Variants in CALCRL observed in about 807,000 individuals in gnomAD.
The protein encoded by CALCRL is calcitonin receptor like receptor.
A neutral mutation model predicts 60.4 loss-of-function variants in CALCRL; 27 were observed. The ratio of observed to expected loss-of-function variants is 0.45; its 90% CI spans 0.33 to 0.62. The LOEUF (loss-of-function observed/expected upper bound fraction) is 0.62, where lower values mean the gene tolerates loss of function less well. Ranked by LOEUF, CALCRL falls within the 20% of genes least tolerant of loss-of-function variation. The pLI, the probability that CALCRL is intolerant of heterozygous loss-of-function variation, is 0.03. For synonymous variants in CALCRL, 190 were observed against 182.6 expected, an observed-to-expected ratio of 1.04 and a Z score of -0.33; for missense variants, 424 against 540.7, an observed-to-expected ratio of 0.78 and a Z score of 2.14.
chr2:187,374,056 A>G (rs1009514860), intron 8 of CALCRL, among the ~76,000 whole-genome samples: 1 of 152,004 alleles, frequency 6.6e-6, no homozygotes, highest in Non-Finnish European at 1.5e-5. Context: ...AGTCCTTGCT[A>G]CTTGGGAGGC....
At position 187,343,662 on chromosome 2, in the gene CALCRL, A is replaced by C. The variant is rs891181562; in HGVS notation, c.*2522T>G. 4.0e-5 allele frequency: 6 copies of C among 151,204 alleles called. No individual in the cohort carries two copies. Among genetic ancestry groups the C allele is most frequent in the African/African-American group, 1.5e-4 (6 of 41,284 alleles). The allele number at this position is 151,204 out of a possible 1,614,324, so 9.4% of individuals were successfully genotyped here. On this transcript the variant is annotated 3_prime_UTR_variant, in exon 15 of 15. Transcript: ENST00000392370. Reference sequence around the variant, plus strand: ...TGACTTTCACAAGTAATCACAGTAAAATGCAGATCTACATTTTAAAAGCTA... The same window carrying C: ...TGACTTTCACAAGTAATCACAGTAACATGCAGATCTACATTTTAAAAGCTA...
intron 8 of CALCRL, among the ~76,000 whole-genome samples, chr2:187,374,739 A>G (rs1687673127): frequency 6.6e-6 from 1 of 152,150 alleles, no homozygotes; most frequent in Non-Finnish European, 1.5e-5. Context: ...TATGATTGAT[A>G]TAGTCTAATG....
At chr2:187,350,812 A>G (rs912071903) in intron 14 of CALCRL, among the ~76,000 whole-genome samples, 1 of 151,686 alleles carries the variant, frequency 6.6e-6, no homozygotes, top group Non-Finnish European at 1.5e-5. Flanking sequence ...CTGAAGCTTT[A>G]TGATAAGCTT....
intron 12 of CALCRL, among the ~76,000 whole-genome samples, chr2:187,356,606 C>T (rs1216325532): frequency 6.6e-6 from 1 of 152,102 alleles, no homozygotes; most frequent in African/African-American, 2.4e-5. Flanking sequence ...GCAAAGACTT[C>T]ATGACTAAAA....
At chr2:187,400,044 A>C (rs1688821473) in intron 1 of CALCRL, among the ~76,000 whole-genome samples, 1 of 151,434 alleles carries the variant, frequency 6.6e-6, no homozygotes, top group African/African-American at 2.4e-5. Context: ...TATGGAGTAA[A>C]TACAGTTAAA....
At position 187,351,950 on chromosome 2, in the gene CALCRL, G is replaced by A. The variant is rs1340632136; in HGVS notation, c.1140C>T (p.Val380=). Reference sequence around the variant, plus strand: ...CATTAAAGAAGCAGAAAATGGTAGAGACCAAAAGACCCTGTAAAAGAAAAA... The same window carrying A: ...CATTAAAGAAGCAGAAAATGGTAGAAACCAAAAGACCCTGTAAAAGAAAAA... ...HILMHFQGLL[V]STIFCFFNGE... Residue 380 remains valine (V), a synonymous_variant, in exon 14 of 15, where the codon GTC becomes GTT. Transcript: ENST00000392370. 2 of 1,594,470 alleles carry A rather than the reference G, an allele frequency of 1.3e-6. No individual in the cohort carries two copies. The highest frequency in any genetic ancestry group is 8.6e-7 in the Non-Finnish European group (1 of 1,164,636).
chr2:187,423,714 T>G (rs1359501444), intron 1 of CALCRL, among the ~76,000 whole-genome samples: 18 of 151,982 alleles, frequency 1.2e-4, no homozygotes, highest in Admixed American at 1.2e-3. Flanking sequence ...TCCAAAGGCT[T>G]GGGAAAAAAC....
At chr2:187,394,360 A>C (rs1478779108) in intron 1 of CALCRL, among the ~76,000 whole-genome samples, 1 of 152,110 alleles carries the variant, frequency 6.6e-6, no homozygotes, top group Non-Finnish European at 1.5e-5. Flanking sequence ...TAACACTTGA[A>C]ACAAAGAAAC....
intron 1 of CALCRL, among the ~76,000 whole-genome samples, chr2:187,391,255 A>G (rs1688433336): frequency 6.6e-6 from 1 of 152,206 alleles, no homozygotes; most frequent in African/African-American, 2.4e-5. Context: ...CTTTTTCTAA[A>G]TATATCTTCA....
At chr2:187,394,959 C>G (rs559127704) in intron 1 of CALCRL, among the ~76,000 whole-genome samples, 56 of 152,092 alleles carry the variant, frequency 3.7e-4, no homozygotes, top group African/African-American at 1.3e-3. Context: ...TATCATAGCT[C>G]ACCTTGTCGG....
chr2:187,358,724 C>T (rs1686912773), intron 12 of CALCRL, among the ~76,000 whole-genome samples: 1 of 152,072 alleles, frequency 6.6e-6, no homozygotes, highest in Non-Finnish European at 1.5e-5. Flanking sequence ...GTGGTTTTGG[C>T]AGTGGTTGTT....
intron 1 of CALCRL, among the ~76,000 whole-genome samples, chr2:187,441,063 A>T (rs1399561110): frequency 1.3e-5 from 2 of 152,032 alleles, no homozygotes; most frequent in African/African-American, 4.8e-5. Context: ...TAACCTTGGT[A>T]TTTGCAATGG....
chr2:187,355,311 C>G (rs1433940973), intron 12 of CALCRL, among the ~76,000 whole-genome samples: 3 of 152,054 alleles, frequency 2.0e-5, no homozygotes, highest in African/African-American at 7.2e-5. Context: ...GCCAGGCAGT[C>G]TCAGGGTACA....
At chr2:187,346,693 T>A (rs977133774) in intron 14 of CALCRL, among the ~76,000 whole-genome samples, 3 of 151,856 alleles carry the variant, frequency 2.0e-5, no homozygotes, top group Non-Finnish European at 2.9e-5. Context: ...GCCAAACAAA[T>A]AGGTAATCTG....
Position 187,343,531 on chromosome 2 carries a change from C to A in CALCRL, c.*2653G>T, listed in dbSNP as rs1370106662. 6.6e-6 allele frequency: 1 copy of A among 151,880 alleles called. No individual in the cohort carries two copies. Among genetic ancestry groups the A allele is most frequent in the East Asian group, 1.9e-4 (1 of 5,190 alleles). 9.4% of individuals were successfully genotyped at this position (151,880 alleles called of 1,614,324 possible). A position where few individuals can be genotyped will look rare whatever the true frequency, so the allele number is the denominator to read the frequency against. ...CACTAATTCTATATACATTGGATTA[C>A]ATTTAAACAAACACTGCATTCCAGA... On this transcript the variant is annotated 3_prime_UTR_variant, in exon 15 of 15. Coordinates refer to ENST00000392370, the MANE Select transcript of CALCRL (RefSeq NM_005795.6).
intron 12 of CALCRL, among the ~76,000 whole-genome samples, chr2:187,358,502 T>A (rs1234077407): frequency 1.3e-5 from 2 of 151,752 alleles, no homozygotes; most frequent in Non-Finnish European, 2.9e-5. Context: ...ATTTTGTTTT[T>A]TCTTATTTGT....
At chr2:187,388,468 C>T (rs147165090) in intron 1 of CALCRL, among the ~76,000 whole-genome samples, 2 of 152,070 alleles carry the variant, frequency 1.3e-5, no homozygotes, top group Non-Finnish European at 2.9e-5. Context: ...CTCTTACATG[C>T]ACATTTCACC....
intron 1 of CALCRL, among the ~76,000 whole-genome samples, chr2:187,435,779 T>C (rs1690611653): frequency 1.3e-5 from 2 of 152,238 alleles, no homozygotes; most frequent in East Asian, 1.9e-4. Flanking sequence ...AAATTATATA[T>C]GATTTCAAGT....
chr2:187,433,925 G>T (rs1336639800), intron 1 of CALCRL, among the ~76,000 whole-genome samples: 1 of 151,966 alleles, frequency 6.6e-6, no homozygotes, highest in Admixed American at 6.6e-5. Context: ...TGACGCCTAA[G>T]AAATAATTTT....
Sources: gnomAD v4.1 joint callset for allele counts (sites outside exome capture counted in the v4.1 genomes callset) on GRCh38, gnomAD v4.1.1 for gene constraint, MANE v1.5 for transcripts, NCBI Gene and HGNC (gene_info 2026-07-23, HGNC 2026-07-21) for gene names.